The following PTPRF variants were observed in gnomAD, a reference collection of about 807,000 sequenced individuals.
PTPRF encodes the protein protein tyrosine phosphatase receptor type F.
In PTPRF, 59 loss-of-function variants were observed where a neutral mutation model predicts 201.8. The observed-to-expected ratio is 0.29, with a 90% CI of 0.24 to 0.36. The LOEUF is 0.36. Ranked by LOEUF, PTPRF falls within the 10% of genes least tolerant of loss-of-function variation. The probability of loss-of-function intolerance (pLI) is 1.00; values close to 1 mark genes in which losing one functional copy is unlikely to be tolerated. For synonymous variants in PTPRF, 1,088 were observed against 1,089.7 expected (o/e 1.00, Z 0.03); for missense variants, 2,132 against 2,690.5 (o/e 0.79, Z 4.59).
At chr1:43,535,412 C>G (rs2153952604) in intron 1 of PTPRF, among the ~76,000 whole-genome samples, 1 of 152,224 alleles carries the variant, frequency 6.6e-6, no homozygotes, top group Middle Eastern at 3.4e-3. Context: ...CTCTTTCTGC[C>G]ACCATCTGCC....
chr1:43,586,718 C>G (rs1649252040), intron 7 of PTPRF, among the ~76,000 whole-genome samples: 1 of 152,030 alleles, frequency 6.6e-6, no homozygotes, highest in Non-Finnish European at 1.5e-5. Context: ...ATTTGTCTGT[C>G]TGTTTCTGAG....
intron 6 of PTPRF, among the ~76,000 whole-genome samples, chr1:43,578,067 A>C (rs961191952): frequency 4.0e-5 from 6 of 151,850 alleles, no homozygotes; most frequent in Non-Finnish European, 7.4e-5. Context: ...TCCTTTTGCT[A>C]CCCACCCCGA....
chr1:43,576,433 A>C (rs139316051), intron 6 of PTPRF, among the ~76,000 whole-genome samples: 185 of 152,312 alleles, frequency 1.2e-3, no homozygotes, highest in African/African-American at 4.3e-3. Context: ...GATTAGGAGG[A>C]ATGTTCACTT....
In PTPRF at chr1:43,606,818, G is replaced by T. The variant is rs772686657; in HGVS notation, c.3707G>T (p.Arg1236Leu). The T allele has an allele frequency of 4.3e-6, 7 of 1,613,212 alleles. No individual in the cohort carries two copies. The highest frequency in any genetic ancestry group is 5.9e-6 in the Non-Finnish European group (7 of 1,179,848). The change falls in exon 21 of 34, where the codon CGC becomes CTC. Residue 1236 changes from arginine (R) to leucine (L), a missense_variant. Coordinates refer to ENST00000359947, the MANE Select transcript of PTPRF (RefSeq NM_002840.5). ...CTGTTCTCCACCGGGCCACAGAAGC[G>T]CTATGCCTCCAGCCCCTACTCGGAT... ...ASLKEPMDQK[R>L]YASSPYSDEI...
chr1:43,522,932 G>A (rs567175011), upstream of PTPRF, among the ~76,000 whole-genome samples: 1 of 152,302 alleles, frequency 6.6e-6, no homozygotes, highest in East Asian at 1.9e-4. Context: ...CCCATTTGCG[G>A]CTGCAGCGCA....
chr1:43,547,553 A>T (rs1266386218), intron 3 of PTPRF, among the ~76,000 whole-genome samples: 1 of 152,266 alleles, frequency 6.6e-6, no homozygotes, highest in East Asian at 1.9e-4. Flanking sequence ...AGCTTGGGCA[A>T]CTACTAGCCA....
chr1:43,526,807 G>A (rs1401185355), upstream of PTPRF, among the ~76,000 whole-genome samples: 1 of 152,210 alleles, frequency 6.6e-6, no homozygotes, highest in Non-Finnish European at 1.5e-5. Flanking sequence ...GTGAGGCCCT[G>A]CAGATGGGCA....
chr1:43,573,423 C>A (rs1028299072), intron 6 of PTPRF, among the ~76,000 whole-genome samples: 19 of 152,236 alleles, frequency 1.2e-4, no homozygotes, highest in Non-Finnish European at 8.8e-5. Flanking sequence ...TCTTCCCCAC[C>A]CCCAGCACCC....
At chr1:43,575,237 AG>A (rs1427774548) in intron 6 of PTPRF, among the ~76,000 whole-genome samples, 1 of 152,178 alleles carries the variant, frequency 6.6e-6, no homozygotes, top group Non-Finnish European at 1.5e-5. Context: ...CAGGGTTATG[AG>A]GTGCTAGACA....
chr1:43,599,223 C>CT (rs1405896886), intron 13 of PTPRF, among the ~76,000 whole-genome samples: 1 of 152,164 alleles, frequency 6.6e-6, no homozygotes, highest in African/African-American at 2.4e-5. Flanking sequence ...TTACAGGCGT[C>CT]TGCCACTGCG....
intron 29 of PTPRF, 114 bp downstream of exon 29, chr1:43,619,972 A>G: frequency 1.3e-6 from 2 of 1,561,238 alleles, no homozygotes; most frequent in Non-Finnish European, 8.7e-7. Context: ...AGGGCTGGGT[A>G]GAGCAGTGAG....
At position 43,591,786 on chromosome 1, in the gene PTPRF, G is replaced by T. The variant is rs754939634; in HGVS notation, c.1532-26G>T. 3 of 1,612,048 alleles carry T rather than the reference G, an allele frequency of 1.9e-6. No homozygotes were observed. In the South Asian group the frequency reaches 3.3e-5, roughly 18 times the overall value. ...CCCCTGACCTCACGCAGATGAGGCT[G>T]ACCTGCCTGGTGTGGGGTGTTGCAG... On this transcript the variant is annotated intron_variant, in intron 9 of 33. Transcript: ENST00000359947.
upstream of PTPRF, among the ~76,000 whole-genome samples, chr1:43,530,250 G>A (rs532198797): frequency 2.6e-5 from 4 of 151,534 alleles, no homozygotes; most frequent in South Asian, 8.4e-4. The surrounding 1 kb of genome is among the most constrained non-coding windows in gnomAD (Gnocchi z 4.1). Flanking sequence ...AGCAGTACTG[G>A]AGTTTTATGT....
At chr1:43,617,670 T>C in intron 24 of PTPRF, 66 bp from the exon 25 acceptor site, 1 of 1,600,302 alleles carries the variant, frequency 6.2e-7, no homozygotes. Context: ...AGGGGTGCAC[T>C]GAGGCATGGT....
At chr1:43,620,785 G>A in intron 31 of PTPRF, 53 bp from the exon 32 acceptor site, 1 of 1,579,628 alleles carries the variant, frequency 6.3e-7, no homozygotes, top group Non-Finnish European at 8.6e-7. Flanking sequence ...AGTCCAGAGG[G>A]GTGGCTGCCT....
chr1:43,597,980 G>A lies in PTPRF; in HGVS notation c.2046G>A (p.Val682=), dbSNP rs1355100038. The A allele has an allele frequency of 1.3e-6, 2 of 1,548,696 alleles. No homozygotes were observed. Among genetic ancestry groups the A allele is most frequent in the Non-Finnish European group, 1.7e-6 (2 of 1,144,006 alleles). ...TGGAGAAGTGGACGGAGTACCGGGT[G>A]TGGGTGCGGGCACACACAGACGTGG... The part of the protein sequence containing the change: ...VGLEKWTEYR[V]WVRAHTDVGP... Residue 682 remains valine, a synonymous_variant, in exon 12 of 34, where the codon GTG becomes GTA. Coordinates refer to ENST00000359947, the MANE Select transcript of PTPRF (RefSeq NM_002840.5).
chr1:43,555,312 A>G (rs1454908795), intron 5 of PTPRF, among the ~76,000 whole-genome samples: 1 of 132,442 alleles, frequency 7.6e-6, no homozygotes, highest in African/African-American at 3.3e-5. Flanking sequence ...GTGCATACAT[A>G]TATATGTGTG....
Position 43,617,468 on chromosome 1 carries a change from C to A in PTPRF, c.4095C>A (p.Phe1365Leu). 1 of 1,614,188 alleles carries A rather than the reference C, an allele frequency of 6.2e-7. No individual in the cohort carries two copies. The highest frequency in any genetic ancestry group is 8.5e-7 in the Non-Finnish European group (1 of 1,180,032). ...AGTCCATCGACCCTGGACAGCAGTT[C>A]ACGTGGGAGAATTCAAACCTGGAGG... ...EYESIDPGQQFTWENSNLEVN... is the reference protein window; with the variant it reads ...EYESIDPGQQLTWENSNLEVN... The change falls in exon 24 of 34, where the codon TTC becomes TTA. Residue 1365 changes from phenylalanine (F) to leucine (L), a missense_variant. Physicochemically the swap from Phe to Leu is conservative, Grantham distance 22 (BLOSUM62 0). Around this residue, in one of 6 missense-constraint regions of PTPRF, gnomAD observed 818 missense variants for 915.3 expected, o/e 0.89. Coordinates refer to ENST00000359947, the MANE Select transcript of PTPRF (RefSeq NM_002840.5).
At chr1:43,602,538 G>T (rs946381427) in intron 14 of PTPRF, among the ~76,000 whole-genome samples, 1 of 152,182 alleles carries the variant, frequency 6.6e-6, no homozygotes, top group African/African-American at 2.4e-5. Context: ...GGGTCCATGA[G>T]GGGGTGGTGG....
Sources: allele counts gnomAD v4.1 joint callset (sites outside exome capture counted in the v4.1 genomes callset), GRCh38; gene constraint gnomAD v4.1.1; regional missense constraint gnomAD v4.1.1; non-coding constraint Gnocchi (gnomAD v3.1); transcripts MANE v1.5; gene names NCBI Gene and HGNC (gene_info 2026-07-23, HGNC 2026-07-21).